The following TRAIP variants were observed in gnomAD, a reference collection of about 807,000 sequenced individuals.
TRAIP encodes the protein TRAF interacting protein.
Under a neutral mutation model 65.0 loss-of-function variants are expected in TRAIP, and 37 were observed. The ratio of observed to expected loss-of-function variants is 0.57; its 90% CI spans 0.44 to 0.75. The LOEUF is 0.75. Ranked by LOEUF, TRAIP falls within the 30% of genes least tolerant of loss-of-function variation. TRAIP has a pLI of 0.00. For missense variants in TRAIP, 481 were observed against 579.4 expected (o/e 0.83, Z 1.74); for synonymous variants, 187 against 219.1 (o/e 0.85, Z 1.29).
intron 5 of TRAIP, chr3:49,843,576 A>G: frequency 2.0e-6 from 1 of 509,552 alleles, no homozygotes; most frequent in Non-Finnish European, 3.5e-6. Context: ...TCTTCAAACT[A>G]CCTAGTACAA....
intron 1 of TRAIP, among the ~76,000 whole-genome samples, chr3:49,854,523 A>G (rs988301197): frequency 1.3e-5 from 2 of 152,210 alleles, no homozygotes; most frequent in African/African-American, 4.8e-5. Flanking sequence ...ATAAATGGAA[A>G]TGGGGTATAT....
intron 10 of TRAIP, among the ~76,000 whole-genome samples, chr3:49,833,758 C>A (rs899114241): frequency 6.6e-6 from 1 of 152,166 alleles, no homozygotes; most frequent in Non-Finnish European, 1.5e-5. Flanking sequence ...GTATTACAGG[C>A]ATGAGCCACC....
At chr3:49,837,896 C>T (rs1344462012) in intron 10 of TRAIP, among the ~76,000 whole-genome samples, 1 of 144,468 alleles carries the variant, frequency 6.9e-6, no homozygotes, top group African/African-American at 2.6e-5. Flanking sequence ...TTTTTTTTTC[C>T]AAGAGAGACG....
At chr3:49,832,582 C>T (rs569306338) in intron 10 of TRAIP, among the ~76,000 whole-genome samples, 69 of 151,724 alleles carry the variant, frequency 4.5e-4, no homozygotes, top group African/African-American at 1.5e-3. Context: ...GGCACCCCCC[C>T]ACCACTCCCA....
intron 1 of TRAIP, among the ~76,000 whole-genome samples, chr3:49,848,601 C>T (rs886758624): frequency 1.3e-5 from 2 of 151,946 alleles, no homozygotes; most frequent in African/African-American, 2.4e-5. Context: ...AGTAAGGGTA[C>T]AAAAATAAAG....
chr3:49,832,479 G>A (rs1288107122), intron 10 of TRAIP, among the ~76,000 whole-genome samples: 2 of 130,652 alleles, frequency 1.5e-5, no homozygotes, highest in African/African-American at 6.2e-5. Flanking sequence ...GACAGAGCAA[G>A]ACTCCGTCTC....
chr3:49,839,589 G>A lies in TRAIP; in HGVS notation c.884+183C>T. The stretch of plus-strand genomic sequence containing the variant: ...CTCTGGCCTTCTCTGGCCTCTCCGT[G>A]TCAGAGCCTAATTTGCTTCAAGGCT... On this transcript the variant is annotated intron_variant, in intron 10 of 14. Transcript: ENST00000331456. 4 of 614,988 alleles carry A rather than the reference G, an allele frequency of 6.5e-6. No homozygotes were observed. In the South Asian group the frequency reaches 7.7e-5, roughly 12 times the overall value. The allele number at this position is 614,988 out of a possible 1,614,324, so 38.1% of individuals were successfully genotyped here.
intron 1 of TRAIP, among the ~76,000 whole-genome samples, chr3:49,849,421 T>G (rs555139785): frequency 6.6e-6 from 1 of 151,480 alleles, no homozygotes; most frequent in Admixed American, 6.6e-5. Context: ...GTCAGGAGAT[T>G]GAGACCATCC....
At chr3:49,844,653 G>C in intron 3 of TRAIP, 73 bp from the exon 4 acceptor site, 3 of 1,571,692 alleles carry the variant, frequency 1.9e-6, no homozygotes, top group South Asian at 1.1e-5. Flanking sequence ...CCATAAGGCT[G>C]TGGGGAGCCC....
chr3:49,853,484 A>G (rs2081950268), intron 1 of TRAIP, among the ~76,000 whole-genome samples: 2 of 152,196 alleles, frequency 1.3e-5, no homozygotes, highest in Non-Finnish European at 2.9e-5. Flanking sequence ...ATGAAAAAAG[A>G]TATACCATGC....
rs761901770 is a variant in TRAIP at position 49,829,160 on chromosome 3, C to T, written c.1353G>A (p.Arg451=). 6 of 1,614,188 alleles carry T rather than the reference C, an allele frequency of 3.7e-6. No individual in the cohort carries two copies. Among genetic ancestry groups the T allele is most frequent in the South Asian group, 3.3e-5 (3 of 91,080 alleles). Residue 451 remains arginine, a synonymous_variant, in exon 15 of 15, where the codon AGG becomes AGA. Coordinates refer to ENST00000331456, the MANE Select transcript of TRAIP (RefSeq NM_005879.3). ...GGAAGAGAGAAGGCACTGTCTTCAC[C>T]CTCACCCTCTGCTTAACCTTGGTCT... is the stretch of plus-strand genomic sequence containing the variant. ...KPKTKVKQRV[R]VKTVPSLFQA... is the part of the protein sequence containing the mutation.
Position 49,829,502 on chromosome 3 carries a change from T to A in TRAIP, c.1243A>T (p.Thr415Ser), listed in dbSNP as rs1443689808. The A allele has an allele frequency of 6.2e-7, 1 of 1,613,968 alleles. No homozygotes were observed. The highest frequency in any genetic ancestry group is 1.1e-5 in the South Asian group (1 of 91,054). The change falls in exon 14 of 15, where the codon ACA becomes TCA. Residue 415 changes from threonine to serine, a missense_variant. Physicochemically the swap from Thr to Ser is moderately conservative, Grantham distance 58. Coordinates refer to ENST00000331456, the MANE Select transcript of TRAIP (RefSeq NM_005879.3). ...ESSCSKDVVR[T>S]GFDGLGGRTK... ...CGGCCACCGAGCCCATCGAAGCCTG[T>A]CCTTACCTAGGGTGGAAGGAAGAGA...
intron 8 of TRAIP, chr3:49,840,695 G>C: frequency 1.7e-6 from 1 of 571,866 alleles, no homozygotes; most frequent in Non-Finnish European, 3.1e-6. Flanking sequence ...TCACATTTGA[G>C]GCCTGTGCTC....
intron 1 of TRAIP, among the ~76,000 whole-genome samples, chr3:49,854,745 T>C (rs1406263579): frequency 6.6e-6 from 1 of 152,138 alleles, no homozygotes; most frequent in East Asian, 1.9e-4. Context: ...GACTGGATTT[T>C]TAAAAGTCCA....
chr3:49,846,909 G>A (rs932067875), intron 3 of TRAIP, among the ~76,000 whole-genome samples: 5 of 151,924 alleles, frequency 3.3e-5, no homozygotes, highest in South Asian at 2.1e-4. Context: ...GGCTGGGCAC[G>A]GTGGCCCACG....
At position 49,844,594 on chromosome 3, in the gene TRAIP, C is replaced by T. The variant is rs1052083850; in HGVS notation, c.241-14G>A. ...GTCCAGTTCATTCTGAAAGGCAATA[C>T]CCACAATAAGCAGCAGGAAAGCATC... On this transcript the variant is annotated splice_polypyrimidine_tract_variant and intron_variant, in intron 3 of 14. Transcript: ENST00000331456. 3.1e-6 allele frequency: 5 copies of T among 1,613,904 alleles called. No individual in the cohort carries two copies. Among genetic ancestry groups the T allele is most frequent in the Non-Finnish European group, 3.4e-6 (4 of 1,179,950 alleles).
chr3:49,853,919 A>T (rs536942781), intron 1 of TRAIP, among the ~76,000 whole-genome samples: 9 of 152,260 alleles, frequency 5.9e-5, no homozygotes, highest in Admixed American at 1.3e-4. Context: ...AAGAACATTT[A>T]AAAAAAGTTC....
chr3:49,842,355 A>G, intron 6 of TRAIP, 98 bp downstream of exon 6: 3 of 1,233,336 alleles, frequency 2.4e-6, no homozygotes, highest in Admixed American at 1.7e-5. Flanking sequence ...TGAGCCTCGG[A>G]CATGACCCAA....
At chr3:49,854,313 G>C (rs543004817) in intron 1 of TRAIP, among the ~76,000 whole-genome samples, 1 of 152,242 alleles carries the variant, frequency 6.6e-6, no homozygotes, top group South Asian at 2.1e-4. Context: ...CAAGAGAGCA[G>C]GACTCTGTCT....
Sources: allele counts gnomAD v4.1 joint callset (sites outside exome capture counted in the v4.1 genomes callset), GRCh38; gene constraint gnomAD v4.1.1; transcripts MANE v1.5; gene names NCBI Gene and HGNC (gene_info 2026-07-23, HGNC 2026-07-21).